The following RABL2B variants were observed in gnomAD, a reference collection of about 807,000 sequenced individuals.
RABL2B encodes the protein RAB, member of RAS oncogene family like 2B.
RABL2B carries 17 observed loss-of-function variants against 26.7 expected under a neutral mutation model. The ratio of observed to expected loss-of-function variants is 0.64; its 90% CI spans 0.44 to 0.95. The LOEUF (loss-of-function observed/expected upper bound fraction) is 0.95, where lower values mean the gene tolerates loss of function less well. Among genes scored for constraint, RABL2B ranks in the 40% least tolerant of loss-of-function variants. RABL2B has a pLI of 0.00. For synonymous variants in RABL2B, 70 were observed against 103.9 expected (o/e 0.67, Z 1.99); for missense variants, 170 against 277.2 (o/e 0.61, Z 2.75).
intron 2 of RABL2B, among the ~76,000 whole-genome samples, chr22:50,781,320 G>C (rs1311262800): frequency 6.7e-6 from 1 of 150,298 alleles, no homozygotes; most frequent in South Asian, 2.1e-4. Context: ...CTCCAGCCTG[G>C]GGGACAGAGC....
intron 2 of RABL2B, chr22:50,780,472 C>T: frequency 3.7e-6 from 1 of 269,820 alleles, no homozygotes; most frequent in South Asian, 3.6e-5. Context: ...GCAATCATAG[C>T]TCACCACAGC....
At chr22:50,775,456 T>A (rs1266551652) in intron 5 of RABL2B, among the ~76,000 whole-genome samples, 1 of 152,164 alleles carries the variant, frequency 6.6e-6, no homozygotes, top group African/African-American at 2.4e-5. Context: ...GGAGCTTGTC[T>A]GACAGGTTAG....
At chr22:50,778,048 C>T in intron 2 of RABL2B, 67 bp from the exon 3 acceptor site, 2 of 1,613,288 alleles carry the variant, frequency 1.2e-6, no homozygotes, top group Non-Finnish European at 1.7e-6. Flanking sequence ...GACTTTTTCA[C>T]CCTAAGGCTG....
Position 50,768,512 on chromosome 22 carries a change from G to A in RABL2B, c.*264C>T. ...ATTCTCTTCACTGTCTGCCTGCGGGGAGGGGGTGGGGAAGGTGTTAATGAT... is the reference window on the plus strand; with the variant it reads ...ATTCTCTTCACTGTCTGCCTGCGGGAAGGGGGTGGGGAAGGTGTTAATGAT... On this transcript the variant is annotated 3_prime_UTR_variant, in exon 9 of 9. Transcript: ENST00000691320. 2 of 715,038 alleles carry A rather than the reference G, an allele frequency of 2.8e-6. No individual in the cohort carries two copies. The highest frequency in any genetic ancestry group is 4.4e-6 in the Non-Finnish European group (2 of 453,066). The allele number at this position is 715,038 out of a possible 1,614,324, so 44.3% of individuals were successfully genotyped here.
Position 50,768,648 on chromosome 22 carries a change from T to G in RABL2B, c.*128A>C. ...ATCACGGGCCTAGAATGTGGGAGGCTAATAGGATGGGTGGGTTGCAGGAGG... is the reference window on the plus strand; with the variant it reads ...ATCACGGGCCTAGAATGTGGGAGGCGAATAGGATGGGTGGGTTGCAGGAGG... On this transcript the variant is annotated 3_prime_UTR_variant, in exon 9 of 9. Coordinates refer to ENST00000691320, the MANE Select transcript of RABL2B (RefSeq NM_001130919.3). The G allele has an allele frequency of 6.7e-7, 1 of 1,487,348 alleles. No individual in the cohort carries two copies. The highest frequency in any genetic ancestry group is 9.0e-7 in the Non-Finnish European group (1 of 1,114,402). The allele number at this position is 1,487,348 out of a possible 1,614,324, so 92.1% of individuals were successfully genotyped here.
At chr22:50,769,575 T>G in intron 6 of RABL2B, 23 bp from the exon 7 acceptor site, 1 of 1,609,234 alleles carries the variant, frequency 6.2e-7, no homozygotes, top group Non-Finnish European at 8.5e-7. Flanking sequence ...GGTAGGACAT[T>G]GGTCTGTCTG....
chr22:50,770,076 C>G (rs2083913761), intron 5 of RABL2B, 60 bp from the exon 6 acceptor site: 2 of 1,602,302 alleles, frequency 1.2e-6, no homozygotes, highest in Non-Finnish European at 1.7e-6. Flanking sequence ...CACCCCATCT[C>G]CAGGTGACTC....
intron 5 of RABL2B, chr22:50,772,907 C>T (rs559426822): frequency 2.2e-5 from 26 of 1,202,606 alleles, no homozygotes; most frequent in South Asian, 4.6e-5. Flanking sequence ...GGTGGAGGGT[C>T]GAGCCCTGGT....
rs1161782035 is a variant in RABL2B at position 50,769,449 on chromosome 22, C to T, written c.507+6G>A. ...CCTTGCTAGCTACCTCTGCAGTCAACCACACCTTCACAACATTGGTACCAT... is the reference window on the plus strand; with the variant it reads ...CCTTGCTAGCTACCTCTGCAGTCAATCACACCTTCACAACATTGGTACCAT... On this transcript the variant is annotated splice_donor_region_variant and intron_variant, in intron 7 of 8. Transcript: ENST00000691320. 1 of 1,612,272 alleles carries T rather than the reference C, an allele frequency of 6.2e-7. No individual in the cohort carries two copies. The highest frequency in any genetic ancestry group is 1.1e-5 in the South Asian group (1 of 91,030).
intron 5 of RABL2B, chr22:50,771,810 AT>A (rs2084229866): frequency 6.6e-6 from 1 of 151,540 alleles, no homozygotes; most frequent in Non-Finnish European, 1.5e-5. Flanking sequence ...AGCTCTCATT[AT>A]ATTAACGAGG....
chr22:50,780,279 C>T (rs2085608438), intron 2 of RABL2B, among the ~76,000 whole-genome samples: 1 of 151,676 alleles, frequency 6.6e-6, no homozygotes, highest in Non-Finnish European at 1.5e-5. Context: ...GTGACTGGGG[C>T]TGCTACTGTT....
intron 6 of RABL2B, 146 bp from the exon 7 acceptor site, chr22:50,769,698 G>C: frequency 7.3e-7 from 1 of 1,376,026 alleles, no homozygotes; most frequent in African/African-American, 1.4e-5. Flanking sequence ...TCAGTTAATA[G>C]GGATCTGTGT....
At chr22:50,774,736 C>G (rs2084707710) in intron 5 of RABL2B, among the ~76,000 whole-genome samples, 2 of 151,270 alleles carry the variant, frequency 1.3e-5, no homozygotes, top group South Asian at 2.1e-4. Flanking sequence ...ATTCAGAAGA[C>G]TAGTCTATTA....
chr22:50,781,422 G>GAC (rs2147397223), intron 2 of RABL2B, among the ~76,000 whole-genome samples: 1 of 149,944 alleles, frequency 6.7e-6, no homozygotes, highest in Non-Finnish European at 1.5e-5. Flanking sequence ...GAGAGAGAGA[G>GAC]ACAGAGAATT....
intron 2 of RABL2B, chr22:50,780,535 A>G (rs570410110): frequency 8.0e-6 from 3 of 374,300 alleles, no homozygotes; most frequent in East Asian, 1.6e-4. Context: ...GTTTAGATTC[A>G]TAGGTTAGAG....
intron 3 of RABL2B, among the ~76,000 whole-genome samples, chr22:50,777,307 C>T (rs1555925166): frequency 6.6e-6 from 1 of 151,872 alleles, no homozygotes; most frequent in African/African-American, 2.4e-5. Flanking sequence ...CGCAGGTGGG[C>T]TGGGTGTGCA....
chr22:50,781,040 T>C (rs1198966684), intron 2 of RABL2B, among the ~76,000 whole-genome samples: 2 of 152,062 alleles, frequency 1.3e-5, no homozygotes, highest in South Asian at 2.1e-4. Context: ...TCAAAGTAAC[T>C]ATAAAATACT....
At position 50,768,518 on chromosome 22, in the gene RABL2B, G is replaced by T; in HGVS notation, c.*258C>A. On this transcript the variant is annotated 3_prime_UTR_variant, in exon 9 of 9. Coordinates refer to ENST00000691320, the MANE Select transcript of RABL2B (RefSeq NM_001130919.3). ...TTCACTGTCTGCCTGCGGGGAGGGG[G>T]TGGGGAAGGTGTTAATGATGCTGAT... 1 of 767,800 alleles carries T rather than the reference G, an allele frequency of 1.3e-6. No individual in the cohort carries two copies. Among genetic ancestry groups the T allele is most frequent in the Non-Finnish European group, 2.0e-6 (1 of 498,390 alleles). 47.6% of individuals were successfully genotyped at this position (767,800 alleles called of 1,614,324 possible). A position where few individuals can be genotyped will look rare whatever the true frequency, so the allele number is the denominator to read the frequency against.
At position 50,776,625 on chromosome 22, in the gene RABL2B, T is replaced by C. The variant is rs781795249; in HGVS notation, c.217+45A>G. The C allele has an allele frequency of 5.1e-6, 8 of 1,569,228 alleles. No individual in the cohort carries two copies. In the South Asian group the frequency reaches 9.3e-5, roughly 18 times the overall value. On this transcript the variant is annotated intron_variant, in intron 4 of 8. Coordinates refer to ENST00000691320, the MANE Select transcript of RABL2B (RefSeq NM_001130919.3). ...CCCTCACCTCCCCTCGTCTCCCATT[T>C]CCTCTTTCCTGAGGGTCAGCATGTC...
Sources: gnomAD v4.1 joint callset for allele counts (sites outside exome capture counted in the v4.1 genomes callset) on GRCh38, gnomAD v4.1.1 for gene constraint, MANE v1.5 for transcripts, NCBI Gene and HGNC (gene_info 2026-07-23, HGNC 2026-07-21) for gene names.